Variants in PEX19 observed in about 807,000 individuals in gnomAD.
PEX19 encodes 33 kDa housekeeping protein.
A neutral mutation model predicts 36.3 loss-of-function variants in PEX19; 29 were observed. The ratio of observed to expected loss-of-function variants is 0.80; its 90% CI spans 0.60 to 1.09. PEX19 has a LOEUF of 1.09. Among genes scored for constraint, PEX19 ranks in the 50% least tolerant of loss-of-function variants. PEX19 has a pLI of 0.00. For missense variants in PEX19, 396 were observed against 368.1 expected, an observed-to-expected ratio of 1.08 and a Z score of -0.62; for synonymous variants, 141 against 135.2, an observed-to-expected ratio of 1.04 and a Z score of -0.30.
chr1:160,279,321 G>T lies in PEX19; in HGVS notation c.*230C>A, dbSNP rs1456616970. The T allele has an allele frequency of 2.9e-6, 2 of 678,816 alleles. No individual in the cohort carries two copies. The highest frequency in any genetic ancestry group is 3.0e-5 in the South Asian group (2 of 66,496). The allele number at this position is 678,816 out of a possible 1,614,324, so 42.0% of individuals were successfully genotyped here. ...TGCAGGTAGCTGGAACTTTGATAGT[G>T]GCAGAAACCACAATGGAGTAGGGTT... On this transcript the variant is annotated 3_prime_UTR_variant, in exon 8 of 8. Transcript: ENST00000368072.
intron 5 of PEX19, 39 bp from the exon 6 acceptor site, chr1:160,280,285 A>G (rs746776122): frequency 6.5e-7 from 1 of 1,547,964 alleles, no homozygotes; most frequent in South Asian, 1.1e-5. Flanking sequence ...AATTAAGTGA[A>G]CAATGGATAT....
Position 160,279,827 on chromosome 1 carries a change from G to A in PEX19, c.790C>T (p.Pro264Ser). The A allele has an allele frequency of 6.2e-7, 1 of 1,613,498 alleles. No individual in the cohort carries two copies. Among genetic ancestry groups the A allele is most frequent in the Non-Finnish European group, 8.5e-7 (1 of 1,179,412 alleles). Residue 264 changes from proline (P) to serine (S), a missense_variant, in exon 7 of 8, where the codon CCT becomes TCT. Pro to Ser is a moderately conservative substitution (Grantham distance 74). Transcript: ENST00000368072. ...LMQQLQDLGH[P>S]PKELAGEMPP... ...ATCTCTCCAGCCAGCTCTTTTGGAG[G>A]ATGGCCTAAATCTTGTAGCTAGAAA...
At position 160,278,723 on chromosome 1, in the gene PEX19, G is replaced by T; in HGVS notation, c.*828C>A. On this transcript the variant is annotated 3_prime_UTR_variant, in exon 8 of 8. Transcript: ENST00000368072. ...GGGGAGTCAGTGAGAATCGTAAATG[G>T]ACTAGATGAGGGGAAATAGGATGGG... 4.4e-6 allele frequency: 2 copies of T among 454,126 alleles called. No individual in the cohort carries two copies. The highest frequency in any genetic ancestry group is 3.1e-5 in the South Asian group (2 of 64,482). The allele number at this position is 454,126 out of a possible 1,614,324, so 28.1% of individuals were successfully genotyped here.
At chr1:160,279,657 C>CA in intron 7 of PEX19, 23 bp from the exon 8 acceptor site, 1 of 1,599,298 alleles carries the variant, frequency 6.3e-7, no homozygotes, top group Non-Finnish European at 8.6e-7. Context: ...TGAAGGGACT[C>CA]AGATAGTTGC....
Position 160,283,079 on chromosome 1 carries a change from A to G in PEX19, c.211T>C (p.Phe71Leu), listed in dbSNP as rs912287486. 2 of 1,613,896 alleles carry G rather than the reference A, an allele frequency of 1.2e-6. No individual in the cohort carries two copies. The highest frequency in any genetic ancestry group is 1.3e-5 in the African/African-American group (1 of 74,908). ...DALFASQEKF[F>L]QELFDSELAS... is the part of the protein sequence containing the mutation. ...AGTTCACTGTCGAATAGTTCCTGGA[A>G]AAACTTCTCTTGGGAAGCGAAGAGG... The change falls in exon 3 of 8, where the codon TTC (phenylalanine) becomes CTC (leucine). Residue 71 changes from phenylalanine to leucine, a missense_variant. By Grantham distance (22) the Phe-to-Leu change is conservative. Transcript: ENST00000368072.
In PEX19 at chr1:160,277,268, A is replaced by T. The variant is rs1037390506; in HGVS notation, c.*2283T>A. 2.4e-5 allele frequency: 11 copies of T among 455,502 alleles called. No homozygotes were observed. Among genetic ancestry groups the T allele is most frequent in the African/African-American group, 2.2e-4 (11 of 49,888 alleles). The allele number at this position is 455,502 out of a possible 1,614,324, so 28.2% of individuals were successfully genotyped here. A position where few individuals can be genotyped will look rare whatever the true frequency, so the allele number is the denominator to read the frequency against. On this transcript the variant is annotated 3_prime_UTR_variant, in exon 8 of 8. Transcript: ENST00000368072. Reference sequence around the variant, plus strand: ...TGAGAGTGTTTAAAAACTTTTTAGCATTTCAATGTTGCTGTGATATCCAAG... The same window carrying T: ...TGAGAGTGTTTAAAAACTTTTTAGCTTTTCAATGTTGCTGTGATATCCAAG...
Position 160,278,055 on chromosome 1 carries a change from G to A in PEX19, c.*1496C>T, listed in dbSNP as rs1305175620. 7 of 702,164 alleles carry A rather than the reference G, an allele frequency of 1.0e-5. No individual in the cohort carries two copies. The highest frequency in any genetic ancestry group is 2.7e-5 in the East Asian group (1 of 37,294). The allele number at this position is 702,164 out of a possible 1,614,324, so 43.5% of individuals were successfully genotyped here. On this transcript the variant is annotated 3_prime_UTR_variant, in exon 8 of 8. Coordinates refer to ENST00000368072, the MANE Select transcript of PEX19 (RefSeq NM_002857.4). Reference sequence around the variant, plus strand: ...TCAGAAGCTCAAAGCGACTCATAATGCATGTGAATTTGCTTTGGAGAGACT... The same window carrying A: ...TCAGAAGCTCAAAGCGACTCATAATACATGTGAATTTGCTTTGGAGAGACT...
chr1:160,276,850 T>C lies in PEX19; in HGVS notation c.*2701A>G, dbSNP rs1292790588. 1 of 403,578 alleles carries C rather than the reference T, an allele frequency of 2.5e-6. No individual in the cohort carries two copies. Among genetic ancestry groups the C allele is most frequent in the Admixed American group, 3.0e-5 (1 of 33,402 alleles). The allele number at this position is 403,578 out of a possible 1,614,324, so 25.0% of individuals were successfully genotyped here. A position where few individuals can be genotyped will look rare whatever the true frequency, so the allele number is the denominator to read the frequency against. On this transcript the variant is annotated 3_prime_UTR_variant, in exon 8 of 8. Coordinates refer to ENST00000368072, the MANE Select transcript of PEX19 (RefSeq NM_002857.4). The stretch of plus-strand genomic sequence containing the variant: ...CTGTATTAATTCAATTCTTAATTCA[T>C]GAAGCCACCCATACAATCACAAATT...
Position 160,285,119 on chromosome 1 carries a change from G to T in PEX19, c.6C>A (p.Ala2=), listed in dbSNP as rs1227761036. Residue 2 remains alanine, a synonymous_variant, in exon 1 of 8, where the codon GCC becomes GCA. Transcript: ENST00000368072. M[A]AAEEGCSVGA... ...CGACACTACAGCCTTCCTCAGCGGC[G>T]GCCATCTTGCTACCTCCGACTTGCC... is the stretch of plus-strand genomic sequence containing the variant. 2 of 1,613,484 alleles carry T rather than the reference G, an allele frequency of 1.2e-6. No individual in the cohort carries two copies. The highest frequency in any genetic ancestry group is 1.1e-5 in the South Asian group (1 of 91,082).
At position 160,280,123 on chromosome 1, in the gene PEX19, T is replaced by C. The variant is rs771894671; in HGVS notation, c.718A>G (p.Ser240Gly). Reference sequence around the variant, plus strand: ...AAACGAGCCTTTTGAGTGGTTTCACTGTCTGTGGGGGTCTCTGCCTCAAAC... The same window carrying C: ...AAACGAGCCTTTTGAGTGGTTTCACCGTCTGTGGGGGTCTCTGCCTCAAAC... ...EQFEAETPTD[S>G]ETTQKARFEM... is the part of the protein sequence containing the mutation. Residue 240 changes from serine to glycine, a missense_variant, in exon 6 of 8, where the codon AGT becomes GGT. Ser to Gly is a moderately conservative substitution (Grantham distance 56, BLOSUM62 0). Coordinates refer to ENST00000368072, the MANE Select transcript of PEX19 (RefSeq NM_002857.4). The C allele has an allele frequency of 1.9e-6, 3 of 1,613,876 alleles. No homozygotes were observed. Among genetic ancestry groups the C allele is most frequent in the African/African-American group, 1.3e-5 (1 of 74,934 alleles).
rs747303769 is a variant in PEX19 at position 160,278,075 on chromosome 1, G to A, written c.*1476C>T. 1 of 702,494 alleles carries A rather than the reference G, an allele frequency of 1.4e-6. No homozygotes were observed. Among genetic ancestry groups the A allele is most frequent in the South Asian group, 1.5e-5 (1 of 67,586 alleles). 43.5% of individuals were successfully genotyped at this position (702,494 alleles called of 1,614,324 possible). On this transcript the variant is annotated 3_prime_UTR_variant, in exon 8 of 8. Coordinates refer to ENST00000368072, the MANE Select transcript of PEX19 (RefSeq NM_002857.4). The stretch of plus-strand genomic sequence containing the variant: ...ATAATGCATGTGAATTTGCTTTGGA[G>A]AGACTTATCTTCTGAGTGAACCAGG...
At chr1:160,282,669 C>T in intron 3 of PEX19, 167 bp from the exon 4 acceptor site, 2 of 712,242 alleles carry the variant, frequency 2.8e-6, no homozygotes, top group Admixed American at 2.1e-5. Flanking sequence ...CTATTTAGTA[C>T]ACGGACTCTG....
Position 160,277,886 on chromosome 1 carries a change from G to C in PEX19, c.*1665C>G, listed in dbSNP as rs1657603947. 1.5e-6 allele frequency: 1 copy of C among 665,320 alleles called. No homozygotes were observed. The highest frequency in any genetic ancestry group is 1.8e-5 in the African/African-American group (1 of 56,364). The allele number at this position is 665,320 out of a possible 1,614,324, so 41.2% of individuals were successfully genotyped here. A position where few individuals can be genotyped will look rare whatever the true frequency, so the allele number is the denominator to read the frequency against. On this transcript the variant is annotated 3_prime_UTR_variant, in exon 8 of 8. Coordinates refer to ENST00000368072, the MANE Select transcript of PEX19 (RefSeq NM_002857.4). Reference sequence around the variant, plus strand: ...AGAGACGTTTTACATTCAGATCTGGGCTCTTCCATGCTCTGGTAAGGTATA... The same window carrying C: ...AGAGACGTTTTACATTCAGATCTGGCCTCTTCCATGCTCTGGTAAGGTATA...
rs758436043 is a variant in PEX19 at position 160,282,089 on chromosome 1, G to A, written c.544C>T (p.Leu182=). The part of the protein sequence containing the change: ...LPIMQSIMQN[L]LSKDVLYPSL... ...GGGTACAGCACATCCTTGGAGAGTA[G>A]GTTCTGCATAATACTCTGCATGATG... is the stretch of plus-strand genomic sequence containing the variant. Residue 182 remains leucine, a synonymous_variant, in exon 5 of 8, where the codon CTA becomes TTA. Transcript: ENST00000368072. 1.2e-6 allele frequency: 2 copies of A among 1,613,858 alleles called. No individual in the cohort carries two copies. The highest frequency in any genetic ancestry group is 1.1e-5 in the South Asian group (1 of 91,074).
rs760726802 is a variant in PEX19, at chr1:160,280,141, C to A, written c.700G>T (p.Ala234Ser). 4 of 1,613,790 alleles carry A rather than the reference C, an allele frequency of 2.5e-6. No homozygotes were observed. In the African/African-American group the frequency reaches 4.0e-5, roughly 16 times the overall value. ...VMCKICEQFE[A>S]ETPTDSETTQ... ...GTTTCACTGTCTGTGGGGGTCTCTG[C>A]CTCAAACTGCTCACATATTTTGCAC... The change falls in exon 6 of 8, where the codon GCA becomes TCA. Residue 234 changes from alanine (A) to serine (S), a missense_variant. Coordinates refer to ENST00000368072, the MANE Select transcript of PEX19 (RefSeq NM_002857.4).
intron 1 of PEX19, 47 bp from the exon 2 acceptor site, chr1:160,283,686 T>C (rs776423178): frequency 6.4e-6 from 9 of 1,413,054 alleles, no homozygotes; most frequent in Non-Finnish European, 9.0e-6. Flanking sequence ...CAGATGAGAA[T>C]GCAAGCAAGG....
At chr1:160,284,961 C>T in intron 1 of PEX19, 94 bp downstream of exon 1, 1 of 978,816 alleles carries the variant, frequency 1.0e-6, no homozygotes, top group East Asian at 2.4e-5. Context: ...TGGAGAGCCT[C>T]TCCTGCCCGT....
rs2101794315 is a variant in PEX19, at chr1:160,276,853, A to C, written c.*2698T>G. ...TATTAATTCAATTCTTAATTCATGA[A>C]GCCACCCATACAATCACAAATTTAT... On this transcript the variant is annotated 3_prime_UTR_variant, in exon 8 of 8. Coordinates refer to ENST00000368072, the MANE Select transcript of PEX19 (RefSeq NM_002857.4). The C allele has an allele frequency of 2.5e-6, 1 of 405,630 alleles. No homozygotes were observed. Among genetic ancestry groups the C allele is most frequent in the South Asian group, 1.8e-5 (1 of 55,242 alleles). 25.1% of individuals were successfully genotyped at this position (405,630 alleles called of 1,614,324 possible). A position where few individuals can be genotyped will look rare whatever the true frequency, so the allele number is the denominator to read the frequency against.
In PEX19 at chr1:160,280,043, C is replaced by G. The variant is rs760076893; in HGVS notation, c.771+27G>C. 5.0e-6 allele frequency: 8 copies of G among 1,604,972 alleles called. No individual in the cohort carries two copies. In the African/African-American group the frequency reaches 1.1e-4, roughly 21 times the overall value. ...CACTGAACACCTAAGTGGACAGCACCAGTGGGCAGAAGGCAAGAGGCCTTA... is the reference window on the plus strand; with the variant it reads ...CACTGAACACCTAAGTGGACAGCACGAGTGGGCAGAAGGCAAGAGGCCTTA... On this transcript the variant is annotated intron_variant, in intron 6 of 7. Transcript: ENST00000368072.
Sources: allele counts gnomAD v4.1 joint callset, GRCh38; gene constraint gnomAD v4.1.1; transcripts MANE v1.5; gene names NCBI Gene and HGNC (gene_info 2026-07-23, HGNC 2026-07-21).